The following BBS7 variants were observed in gnomAD, a reference collection of about 807,000 sequenced individuals.
The protein encoded by BBS7 is Bardet-Biedl syndrome 7, also known as BBSome complex member BBS7.
BBS7 carries 50 observed loss-of-function variants against 90.3 expected under a neutral mutation model. That is an observed-to-expected ratio of 0.55 (90% confidence interval 0.44 to 0.70). BBS7 has a LOEUF of 0.70. Ranked by LOEUF, BBS7 falls within the 30% of genes least tolerant of loss-of-function variation. The pLI, the probability that BBS7 is intolerant of heterozygous loss-of-function variation, is 0.00. For missense variants in BBS7, 729 were observed against 838.9 expected (o/e 0.87, Z 1.62); for synonymous variants, 235 against 287.4 (o/e 0.82, Z 1.85).
In BBS7 at chr4:121,832,345, G is replaced by GCAA. The variant is rs977455774; in HGVS notation, c.1676+883_1676+885dup. On this transcript the variant is annotated intron_variant, in intron 15 of 18. Coordinates refer to ENST00000264499, the MANE Select transcript of BBS7 (RefSeq NM_176824.3). The stretch of plus-strand genomic sequence containing the variant: ...TCAAAACAAACAAACAAAACAAACA[G>GCAA]CAACAACAACAAAAAAACAAAAACA... Among the ~76,000 whole-genome samples, 32 of 151,806 alleles carry GCAA rather than the reference G, an allele frequency of 2.1e-4. 1 individual carries two copies. The highest frequency in any genetic ancestry group is 3.9e-4 in the Admixed American group (6 of 15,210).
intron 5 of BBS7, among the ~76,000 whole-genome samples, chr4:121,855,896 GTATGTGTATATATGTATATA>G (rs1417098876): frequency 4.8e-5 from 7 of 145,546 alleles, no homozygotes; most frequent in Admixed American, 4.0e-4. Context: ...GTACATACAT[GTATGTGTATATATGTATATA>G]TGTGTACATG....
intron 8 of BBS7, among the ~76,000 whole-genome samples, chr4:121,850,560 T>C (rs1035159497): frequency 9.2e-5 from 14 of 152,206 alleles, no homozygotes; most frequent in Non-Finnish European, 2.1e-4. Context: ...CTGGTATACA[T>C]TCACACATAA....
intron 15 of BBS7, 30 bp from the exon 16 acceptor site, chr4:121,828,758 T>G (rs771827408): frequency 7.7e-7 from 1 of 1,300,756 alleles, no homozygotes; most frequent in Non-Finnish European, 1.1e-6. Context: ...TTTAAAAGAA[T>G]AGCTGTAGAA....
intron 5 of BBS7, among the ~76,000 whole-genome samples, chr4:121,857,883 C>T (rs1009571747): frequency 8.9e-4 from 132 of 148,360 alleles, no homozygotes; most frequent in African/African-American, 3.1e-3. Context: ...TTCAGCTCAC[C>T]GCAACCTCCG....
chr4:121,856,278 T>A (rs1450419212), intron 5 of BBS7, among the ~76,000 whole-genome samples: 2 of 152,180 alleles, frequency 1.3e-5, no homozygotes, highest in African/African-American at 4.8e-5. Flanking sequence ...ACAAGTTAGG[T>A]CCTTATATAT....
intron 3 of BBS7, among the ~76,000 whole-genome samples, chr4:121,862,654 T>C (rs1727045133): frequency 6.6e-6 from 1 of 152,236 alleles, no homozygotes; most frequent in Non-Finnish European, 1.5e-5. Flanking sequence ...TACAGAAATT[T>C]CCTGCTGGCT....
At chr4:121,844,055 C>T in intron 11 of BBS7, 54 bp from the exon 12 acceptor site, 1 of 1,122,108 alleles carries the variant, frequency 8.9e-7, no homozygotes, top group Non-Finnish European at 1.3e-6. Context: ...TAAAAATGTT[C>T]ATAAATTATG....
intron 3 of BBS7, 100 bp downstream of exon 3, chr4:121,863,117 C>T: frequency 1.8e-6 from 2 of 1,134,134 alleles, no homozygotes; most frequent in Middle Eastern, 2.0e-4. Flanking sequence ...ACCCATTTTC[C>T]ATTACCTGTA....
intron 8 of BBS7, 125 bp from the exon 9 acceptor site, chr4:121,849,053 C>T: frequency 6.1e-6 from 4 of 658,664 alleles, no homozygotes; most frequent in Non-Finnish European, 1.1e-5. Flanking sequence ...TGTTTATGTG[C>T]AGACACTCAG....
chr4:121,837,271 C>G (rs1725507491), intron 13 of BBS7, among the ~76,000 whole-genome samples: 1 of 151,916 alleles, frequency 6.6e-6, no homozygotes, highest in South Asian at 2.1e-4. Context: ...CCAATCTTCT[C>G]TTCTGTGACT....
Position 121,840,840 on chromosome 4 carries a change from C to CT in BBS7, c.1306-1145dup, listed in dbSNP as rs140599414. Reference sequence around the variant, plus strand: ...TGATCAATTTAAAAGTAAATATATTCTTTTTTTTTTTTTTTGAGACAGAGT... The same window carrying CT: ...TGATCAATTTAAAAGTAAATATATTCTTTTTTTTTTTTTTTTGAGACAGAGT... On this transcript the variant is annotated intron_variant, in intron 12 of 18. Transcript: ENST00000264499. 4.7e-3 allele frequency among the ~76,000 whole-genome samples: 668 copies of CT among 142,048 alleles called. 8 individuals are homozygous for CT. The highest frequency in any genetic ancestry group is 0.012 in the Admixed American group (166 of 14,132). The allele number at this position is 142,048 out of a possible 152,430, so 93.2% of individuals were successfully genotyped here. A position where few individuals can be genotyped will look rare whatever the true frequency, so the allele number is the denominator to read the frequency against.
In BBS7 at chr4:121,828,585, ACAT is replaced by A. The variant is rs201834782; in HGVS notation, c.1786+31_1786+33del. On this transcript the variant is annotated intron_variant, in intron 16 of 18. Coordinates refer to ENST00000264499, the MANE Select transcript of BBS7 (RefSeq NM_176824.3). Reference sequence around the variant, plus strand: ...ATAATGTAACAACAACACAAAATAAACATCAGAAAGAATTATTAATTTTGTTTG... The same window carrying A: ...ATAATGTAACAACAACACAAAATAAACAGAAAGAATTATTAATTTTGTTTG... 8.0e-4 allele frequency: 1,242 copies of A among 1,555,892 alleles called. 14 individuals are homozygous for A. In the African/African-American group the frequency reaches 0.014, roughly 18 times the overall value.
At chr4:121,858,602 T>C (rs566004272) in intron 5 of BBS7, 1 of 207,680 alleles carries the variant, frequency 4.8e-6, no homozygotes, top group East Asian at 1.3e-4. Flanking sequence ...CTGGATAAAC[T>C]CAAGTTATAT....
At position 121,864,323 on chromosome 4, in the gene BBS7, T is replaced by C. The variant is rs537431930; in HGVS notation, c.103-1044A>G. On this transcript the variant is annotated intron_variant, in intron 2 of 18. Transcript: ENST00000264499. The stretch of plus-strand genomic sequence containing the variant: ...AAATACCCCTCCTTATTTCCAGCTA[T>C]GTATCTGTGTAAGCTGGATTTTCTT... Among the ~76,000 whole-genome samples, 11 of 152,332 alleles carry C rather than the reference T, an allele frequency of 7.2e-5. No homozygotes were observed. The East Asian group carries it at 2.1e-3, about 29-fold the overall frequency.
At chr4:121,842,251 C>CAAAAAAA (rs1270788731) in intron 12 of BBS7, among the ~76,000 whole-genome samples, 21 of 66,466 alleles carry the variant, frequency 3.2e-4, no homozygotes, top group South Asian at 6.1e-4. Flanking sequence ...GACTCCATCT[C>CAAAAAAA]AAAAAAAAAA....
At chr4:121,838,723 T>TAA (rs534107493) in intron 13 of BBS7, among the ~76,000 whole-genome samples, 3 of 141,044 alleles carry the variant, frequency 2.1e-5, no homozygotes, top group South Asian at 2.3e-4. Context: ...ACCCCGTCCC[T>TAA]AAAAAAAAAA....
chr4:121,833,116 G>T, intron 15 of BBS7, 115 bp downstream of exon 15: 1 of 995,882 alleles, frequency 1.0e-6, no homozygotes, highest in Non-Finnish European at 1.5e-6. Flanking sequence ...AGATTATCTT[G>T]AACAGTATAG....
rs1363770210 is a variant in BBS7, at chr4:121,870,360, G to T, written c.-47C>A. 1 of 1,612,112 alleles carries T rather than the reference G, an allele frequency of 6.2e-7. No individual in the cohort carries two copies. The highest frequency in any genetic ancestry group is 2.2e-5 in the East Asian group (1 of 44,860). ...AGCAGCGCCGGACAAGAACAGGAGG[G>T]ACAGAGGCTTCGGGCCCGCAGGCCT... On this transcript the variant is annotated 5_prime_UTR_variant, in exon 1 of 19. Coordinates refer to ENST00000264499, the MANE Select transcript of BBS7 (RefSeq NM_176824.3).
Position 121,835,070 on chromosome 4 carries a change from C to A in BBS7, c.1511+74G>T, listed in dbSNP as rs572425017. 8.7e-6 allele frequency: 13 copies of A among 1,491,208 alleles called. No homozygotes were observed. In the South Asian group the frequency reaches 1.4e-4, roughly 17 times the overall value. 92.4% of individuals were successfully genotyped at this position (1,491,208 alleles called of 1,614,324 possible). On this transcript the variant is annotated intron_variant, in intron 14 of 18. Transcript: ENST00000264499. ...GTAGAAATTGCTAACAGAATTTACA[C>A]TATAAAAATAAAAAACAGGTCTATT...
Sources: allele counts gnomAD v4.1 joint callset (sites outside exome capture counted in the v4.1 genomes callset), GRCh38; gene constraint gnomAD v4.1.1; transcripts MANE v1.5; gene names NCBI Gene and HGNC (gene_info 2026-07-23, HGNC 2026-07-21).